The following SORCS2 variants were observed in gnomAD, a reference collection of about 807,000 sequenced individuals.
SORCS2 encodes the protein sortilin related VPS10 domain containing receptor 2.
A neutral mutation model predicts 141.6 loss-of-function variants in SORCS2; 100 were observed. That is an observed-to-expected ratio of 0.71 (90% CI 0.60 to 0.83). SORCS2 has a LOEUF of 0.83. Among genes scored for constraint, SORCS2 ranks in the 40% least tolerant of loss-of-function variants. The probability of loss-of-function intolerance (pLI) is 0.00; values close to 1 mark genes in which losing one functional copy is unlikely to be tolerated. For synonymous variants in SORCS2, 789 were observed against 676.9 expected (o/e 1.17, Z -2.57); for missense variants, 1,646 against 1,560.2 (o/e 1.05, Z -0.93).
intron 3 of SORCS2, among the ~76,000 whole-genome samples, chr4:7,540,346 C>T (rs1426262425): frequency 1.3e-5 from 2 of 152,000 alleles, no homozygotes; most frequent in Non-Finnish European, 2.9e-5. Context: ...GAGATTAGCC[C>T]GGGTCCCGTG....
At chr4:7,628,564 A>C (rs1289308276) in intron 3 of SORCS2, among the ~76,000 whole-genome samples, 1 of 150,930 alleles carries the variant, frequency 6.6e-6, no homozygotes, top group African/African-American at 2.4e-5. Context: ...ATATCCCATC[A>C]GCATGTTCAG....
chr4:7,560,888 T>A (rs890151001), intron 3 of SORCS2, among the ~76,000 whole-genome samples: 1 of 152,132 alleles, frequency 6.6e-6, no homozygotes, highest in African/African-American at 2.4e-5. Flanking sequence ...TGGGTGCAAA[T>A]GTAGCCTTGG....
intron 1 of SORCS2, among the ~76,000 whole-genome samples, chr4:7,377,049 C>A (rs796385762): frequency 4.6e-5 from 7 of 152,298 alleles, no homozygotes; most frequent in African/African-American, 1.4e-4. Context: ...AGGAAAGAGG[C>A]ATATAAGCAT....
At chr4:7,382,556 C>A (rs752633937) in intron 1 of SORCS2, among the ~76,000 whole-genome samples, 4 of 152,134 alleles carry the variant, frequency 2.6e-5, no homozygotes, top group African/African-American at 4.8e-5. Flanking sequence ...GACTGGACTG[C>A]AAATCCTGAA....
intron 4 of SORCS2, among the ~76,000 whole-genome samples, chr4:7,646,405 A>G (rs1474545245): frequency 6.6e-6 from 1 of 152,230 alleles, no homozygotes; most frequent in Non-Finnish European, 1.5e-5. Context: ...ATATTCACAG[A>G]TAGGGCCCTT....
At chr4:7,493,591 G>A (rs760257836) in intron 2 of SORCS2, among the ~76,000 whole-genome samples, 31 of 152,164 alleles carry the variant, frequency 2.0e-4, no homozygotes, top group Admixed American at 1.4e-3. Flanking sequence ...AAAGTGTTTG[G>A]ACCAGATAAC....
chr4:7,689,401 AG>A, intron 10 of SORCS2, 84 bp from the exon 11 acceptor site: 1 of 1,322,294 alleles, frequency 7.6e-7, no homozygotes, highest in Non-Finnish European at 1.0e-6. Flanking sequence ...AAAAAGCCAC[AG>A]GGGCAGATTT....
chr4:7,334,969 G>T (rs1218422400), intron 1 of SORCS2, among the ~76,000 whole-genome samples: 1 of 152,080 alleles, frequency 6.6e-6, no homozygotes, highest in Non-Finnish European at 1.5e-5. Context: ...TGGAGGGAGG[G>T]AGGGAAATAA....
At chr4:7,708,176 A>G (rs2359611) in intron 14 of SORCS2, among the ~76,000 whole-genome samples, 46,981 of 152,118 alleles carry the variant, frequency 0.31, 7,333 homozygotes, top group South Asian at 0.39. Context: ...CCCTCAACTG[A>G]TGCTCACCTG....
At chr4:7,632,516 C>G (rs1719958212) in intron 3 of SORCS2, among the ~76,000 whole-genome samples, 1 of 152,204 alleles carries the variant, frequency 6.6e-6, no homozygotes, top group Non-Finnish European at 1.5e-5. Context: ...ACTCTCCCAA[C>G]TCGGCACCAA....
chr4:7,552,601 A>G (rs1310190548), intron 3 of SORCS2, among the ~76,000 whole-genome samples: 1 of 152,224 alleles, frequency 6.6e-6, no homozygotes, highest in African/African-American at 2.4e-5. Flanking sequence ...GAGAAAGCTC[A>G]TGGAGCAGGG....
At chr4:7,513,923 G>C (rs899296354) in intron 2 of SORCS2, among the ~76,000 whole-genome samples, 1 of 152,234 alleles carries the variant, frequency 6.6e-6, no homozygotes, top group Admixed American at 6.5e-5. Context: ...CTGGAGGCGG[G>C]TGACGTGGTC....
intron 2 of SORCS2, among the ~76,000 whole-genome samples, chr4:7,506,102 C>A (rs1732263287): frequency 6.6e-6 from 1 of 152,122 alleles, no homozygotes; most frequent in South Asian, 2.1e-4. Flanking sequence ...CAGCAGGAAC[C>A]ATCAAGGTGA....
In SORCS2 at chr4:7,587,821, G is replaced by A. The variant is rs146643415; in HGVS notation, c.649-50507G>A. On this transcript the variant is annotated intron_variant, in intron 3 of 26. Coordinates refer to ENST00000507866, the MANE Select transcript of SORCS2 (RefSeq NM_020777.3). ...GTATGACAGTCACCTCCACAGTCCT[G>A]GCCATGCCTCTGGAGCACCCCGTTA... Among the ~76,000 whole-genome samples, 92 of 152,304 alleles carry A rather than the reference G, an allele frequency of 6.0e-4. 1 individual carries two copies. Among genetic ancestry groups the A allele is most frequent in the African/African-American group, 2.1e-3 (89 of 41,562 alleles).
At chr4:7,675,884 G>T (rs942810085) in intron 8 of SORCS2, among the ~76,000 whole-genome samples, 166 bp from the exon 9 acceptor site, 1 of 152,186 alleles carries the variant, frequency 6.6e-6, no homozygotes, top group African/African-American at 2.4e-5. Flanking sequence ...ACTTGTGCAA[G>T]GCCACAGAGC....
intron 1 of SORCS2, among the ~76,000 whole-genome samples, chr4:7,327,278 T>A (rs559055961): frequency 7.9e-5 from 12 of 152,308 alleles, no homozygotes; most frequent in South Asian, 4.1e-4. Flanking sequence ...GGGAGGATCC[T>A]CCTCACCTGT....
At chr4:7,552,172 A>T (rs188701265) in intron 3 of SORCS2, among the ~76,000 whole-genome samples, 2 of 152,204 alleles carry the variant, frequency 1.3e-5, no homozygotes, top group African/African-American at 4.8e-5. Flanking sequence ...CCTCCCTGAC[A>T]GGGAAACAGA....
intron 1 of SORCS2, among the ~76,000 whole-genome samples, chr4:7,288,270 G>A (rs1716359171): frequency 6.6e-6 from 1 of 152,110 alleles, no homozygotes; most frequent in African/African-American, 2.4e-5. Context: ...ACTGCGATCT[G>A]AAATTCGGGG....
rs116187748 is a variant in SORCS2, at chr4:7,704,779, C to T, written c.1868+495C>T. On this transcript the variant is annotated intron_variant, in intron 14 of 26. Transcript: ENST00000507866. ...AGACGCTTAGGACAGTGGGGACATG[C>T]GGCGTTCGACTGCACCGCTGCGGCC... Among the ~76,000 whole-genome samples, 696 of 152,300 alleles carry T rather than the reference C, an allele frequency of 4.6e-3. 4 individuals are homozygous for T. The highest frequency in any genetic ancestry group is 0.016 in the African/African-American group (666 of 41,558).
Sources: allele counts gnomAD v4.1 joint callset (sites outside exome capture counted in the v4.1 genomes callset), GRCh38; gene constraint gnomAD v4.1.1; transcripts MANE v1.5; gene names NCBI Gene and HGNC (gene_info 2026-07-23, HGNC 2026-07-21).